The following MED12L variants were observed in gnomAD, a reference collection of about 807,000 sequenced individuals.
MED12L encodes the protein mediator complex subunit 12L.
A neutral mutation model predicts 281.3 loss-of-function variants in MED12L; 60 were observed. The ratio of observed to expected loss-of-function variants is 0.21; its 90% CI spans 0.17 to 0.26. The LOEUF is 0.26. Ranked by LOEUF, MED12L falls within the 10% of genes least tolerant of loss-of-function variation. MED12L has a pLI of 1.00. For synonymous variants in MED12L, 974 were observed against 987.2 expected (o/e 0.99, Z 0.25); for missense variants, 2,146 against 2,680.9 (o/e 0.80, Z 4.41).
chr3:151,137,487 A>G (rs756998308), intron 5 of MED12L, among the ~76,000 whole-genome samples: 2 of 152,174 alleles, frequency 1.3e-5, no homozygotes, highest in Non-Finnish European at 2.9e-5. Context: ...TTTAGAAAGC[A>G]AGATCTGGGT....
intron 16 of MED12L, among the ~76,000 whole-genome samples, chr3:151,267,796 A>C (rs896403820): frequency 2.0e-5 from 3 of 152,180 alleles, no homozygotes; most frequent in Non-Finnish European, 2.9e-5. Flanking sequence ...AGGCAGAGTA[A>C]TAAGAAAGGA....
chr3:151,238,844 A>G (rs1269620768), intron 16 of MED12L, among the ~76,000 whole-genome samples: 1 of 152,250 alleles, frequency 6.6e-6, no homozygotes, highest in Non-Finnish European at 1.5e-5. Flanking sequence ...GTCTAGAGGA[A>G]TGAACACTTG....
chr3:151,188,074 C>T, intron 12 of MED12L: 3 of 192,050 alleles, frequency 1.6e-5, no homozygotes, highest in African/African-American at 2.3e-5. Context: ...TAGTTTTTTC[C>T]AACTTTTAGA....
At chr3:151,198,470 G>A in intron 16 of MED12L, 1 of 1,611,314 alleles carries the variant, frequency 6.2e-7, no homozygotes, top group Non-Finnish European at 8.5e-7. Flanking sequence ...CTGAGCCTTG[G>A]TCTCTTTAGG....
chr3:151,194,946 C>T (rs1487148770), intron 16 of MED12L, among the ~76,000 whole-genome samples: 4 of 152,198 alleles, frequency 2.6e-5, no homozygotes, highest in South Asian at 2.1e-4. Context: ...GGGCGGATCA[C>T]GAGGTCAGGA....
chr3:151,399,475 C>T (rs946606971), intron 39 of MED12L, among the ~76,000 whole-genome samples: 1 of 152,104 alleles, frequency 6.6e-6, no homozygotes, highest in Non-Finnish European at 1.5e-5. Flanking sequence ...ACCAATAGAA[C>T]AAACTCATAA....
At chr3:151,088,679 C>G (rs943713643) in intron 2 of MED12L, among the ~76,000 whole-genome samples, 9 of 152,204 alleles carry the variant, frequency 5.9e-5, no homozygotes, top group Admixed American at 4.6e-4. Context: ...CAGGGTCTCA[C>G]AACATTTTAT....
intron 16 of MED12L, among the ~76,000 whole-genome samples, chr3:151,251,827 ACTTG>A (rs934218966): frequency 3.9e-5 from 6 of 152,166 alleles, no homozygotes; most frequent in African/African-American, 1.2e-4. Context: ...CTATTTGTGT[ACTTG>A]CTTCTCAGTC....
chr3:151,376,908 A>T, intron 29 of MED12L, 34 bp downstream of exon 29: 1 of 1,612,402 alleles, frequency 6.2e-7, no homozygotes, highest in Non-Finnish European at 8.5e-7. Flanking sequence ...CTCTGTATGA[A>T]ATTTTATAAA....
At position 151,360,787 on chromosome 3, in the gene MED12L, G is replaced by A. The variant is rs536789488; in HGVS notation, c.2957+182G>A. The stretch of plus-strand genomic sequence containing the variant: ...ATTAAAATAGACAGGGACAATACAC[G>A]ATAGTCTATTACACAATGTAAATGT... On this transcript the variant is annotated intron_variant, in intron 21 of 44. Transcript: ENST00000687756. Among the ~76,000 whole-genome samples the A allele has an allele frequency of 3.6e-4, 55 of 152,162 alleles. No individual in the cohort carries two copies. In the South Asian group the frequency reaches 5.0e-3, roughly 14 times the overall value.
At chr3:151,324,566 C>T (rs1425519985) in intron 16 of MED12L, among the ~76,000 whole-genome samples, 2 of 152,200 alleles carry the variant, frequency 1.3e-5, no homozygotes, top group South Asian at 2.1e-4. Flanking sequence ...CTGCAGATGG[C>T]AAGCTCTGTG....
intron 16 of MED12L, among the ~76,000 whole-genome samples, chr3:151,258,530 G>C (rs1738253093): frequency 1.3e-5 from 2 of 152,004 alleles, no homozygotes; most frequent in African/African-American, 4.8e-5. Context: ...CTGTTTTTTT[G>C]AATGACTGCT....
chr3:151,266,868 T>C (rs901934266), intron 16 of MED12L, among the ~76,000 whole-genome samples: 1 of 152,226 alleles, frequency 6.6e-6, no homozygotes, highest in Non-Finnish European at 1.5e-5. Flanking sequence ...TATGCTGTCA[T>C]GCCCAGCATG....
chr3:151,267,522 C>T, intron 16 of MED12L, among the ~76,000 whole-genome samples: 1 of 152,124 alleles, frequency 6.6e-6, no homozygotes, highest in Non-Finnish European at 1.5e-5. Context: ...CAGAAAAGTG[C>T]AAGCTACAAA....
chr3:151,305,614 C>A (rs1480927782), intron 16 of MED12L, among the ~76,000 whole-genome samples: 1 of 152,022 alleles, frequency 6.6e-6, no homozygotes, highest in Non-Finnish European at 1.5e-5. Context: ...CCCTGACTCA[C>A]ACTGTGAGTA....
chr3:151,288,266 G>A (rs1743812056), intron 16 of MED12L, among the ~76,000 whole-genome samples: 1 of 152,152 alleles, frequency 6.6e-6, no homozygotes. Context: ...CTGCTTATAG[G>A]AGTGACCCAT....
At chr3:151,394,188 A>G (rs374199202) in intron 38 of MED12L, among the ~76,000 whole-genome samples, 5 of 152,344 alleles carry the variant, frequency 3.3e-5, no homozygotes, top group East Asian at 1.9e-4. Flanking sequence ...TCTGCTATAA[A>G]ACAGGCATTT....
intron 5 of MED12L, among the ~76,000 whole-genome samples, chr3:151,128,835 C>A (rs1714929753): frequency 6.6e-6 from 1 of 152,224 alleles, no homozygotes; most frequent in Non-Finnish European, 1.5e-5. Context: ...CCCCACCTCA[C>A]ATACACTAAA....
chr3:151,181,506 G>C (rs1234803585), intron 11 of MED12L, among the ~76,000 whole-genome samples: 1 of 144,936 alleles, frequency 6.9e-6, no homozygotes, highest in African/African-American at 2.5e-5. Context: ...CTGAGCTCAA[G>C]TAATCCTCCT....
Sources: gnomAD v4.1 joint callset for allele counts (sites outside exome capture counted in the v4.1 genomes callset) on GRCh38, gnomAD v4.1.1 for gene constraint, MANE v1.5 for transcripts, NCBI Gene and HGNC (gene_info 2026-07-23, HGNC 2026-07-21) for gene names.